The following LRRC53 variants were observed in gnomAD, a reference collection of about 807,000 sequenced individuals.
LRRC53 encodes the protein leucine-rich repeat-containing protein 53.
LRRC53 carries 25 observed loss-of-function variants against 13.6 expected under a neutral mutation model. That is an observed-to-expected ratio of 1.83 (90% CI 1.34 to 2.56). LRRC53 has a LOEUF of 2.56. Ranked by LOEUF, LRRC53 falls within the 30% of genes most tolerant of loss-of-function variation. The pLI is 0.00. For synonymous variants in LRRC53, 204 were observed against 109.8 expected (o/e 1.86, Z -5.37); for missense variants, 527 against 275.8 (o/e 1.91, Z -6.45).
At chr1:74,525,971 C>G in the LRRC53 span, among the ~76,000 whole-genome samples, 1 of 152,166 alleles carries the variant, frequency 6.6e-6, no homozygotes, top group Non-Finnish European at 1.5e-5. Flanking sequence ...GCAAAGAATA[C>G]ACAGAGGAGG....
chr1:74,480,610 ACTGT>A lies in LRRC53; in HGVS notation c.443_446del (p.Asp148ValfsTer45). 1 of 717,208 alleles carries A rather than the reference ACTGT, an allele frequency of 1.4e-6. No homozygotes were observed. Among genetic ancestry groups the A allele is most frequent in the Non-Finnish European group, 2.6e-6 (1 of 385,078 alleles). The allele number at this position is 717,208 out of a possible 1,614,324, so 44.4% of individuals were successfully genotyped here. Reference sequence around the variant, plus strand: ...TGTGGAGATTCGTGCCTCCGAAAGAACTGTCTGTGAGATTAGTAATCTGATTCCC... The same window carrying A: ...TGTGGAGATTCGTGCCTCCGAAAGAACTGTGAGATTAGTAATCTGATTCCC... On this transcript the variant is annotated frameshift_variant, in exon 3 of 5. Transcript: ENST00000294635. LOFTEE classifies it high-confidence loss of function.
At chr1:74,483,225 A>G (rs1350628640) in intron 2 of LRRC53, 37 bp downstream of exon 2, 2 of 715,528 alleles carry the variant, frequency 2.8e-6, no homozygotes, top group Non-Finnish European at 5.2e-6. Flanking sequence ...TTCCAGGTAC[A>G]CTGAGCACTG....
At chr1:74,492,188 G>A in intron 1 of LRRC53, 1 of 1,613,208 alleles carries the variant, frequency 6.2e-7, no homozygotes, top group Non-Finnish European at 8.5e-7. Flanking sequence ...CCTGGCCGGA[G>A]TCATGTGGCA....
intron 1 of LRRC53, among the ~76,000 whole-genome samples, chr1:74,507,201 TGA>T (rs747792413): frequency 1.1e-4 from 17 of 150,056 alleles, no homozygotes; most frequent in Non-Finnish European, 2.1e-4. Context: ...TCACACATGA[TGA>T]GCAGTTTTTA....
the LRRC53 span, among the ~76,000 whole-genome samples, chr1:74,534,812 C>G: frequency 2.9e-4 from 44 of 152,206 alleles, 1 homozygote; most frequent in Non-Finnish European, 2.9e-5. Flanking sequence ...AAATCCTTAA[C>G]GATGGGTTTA....
At chr1:74,498,209 A>T (rs1335204421) in intron 1 of LRRC53, among the ~76,000 whole-genome samples, 1 of 152,202 alleles carries the variant, frequency 6.6e-6, no homozygotes, top group Non-Finnish European at 1.5e-5. Flanking sequence ...TTATCCTACC[A>T]TCAACCTATC....
chr1:74,531,660 C>A, the LRRC53 span, among the ~76,000 whole-genome samples: 1 of 152,312 alleles, frequency 6.6e-6, no homozygotes, highest in Admixed American at 6.5e-5. Context: ...GGCATTTCAG[C>A]AAGCTGTTTC....
chr1:74,480,455 G>GTA lies in LRRC53; in HGVS notation c.600_601dup (p.Thr201IlefsTer4), dbSNP rs1415743723. Reference sequence around the variant, plus strand: ...CAGAAGGATTAACTGCTTCAGTGGAGTAAACACATCCGGCATGTGGGCTAA... The same window carrying GTA: ...CAGAAGGATTAACTGCTTCAGTGGAGTATAAACACATCCGGCATGTGGGCTAA... On this transcript the variant is annotated frameshift_variant, in exon 3 of 5. Transcript: ENST00000294635. LOFTEE classifies it high-confidence loss of function. 2 of 717,418 alleles carry GTA rather than the reference G, an allele frequency of 2.8e-6. No individual in the cohort carries two copies. The highest frequency in any genetic ancestry group is 3.5e-5 in the African/African-American group (2 of 57,268). 44.4% of individuals were successfully genotyped at this position (717,418 alleles called of 1,614,324 possible).
At chr1:74,489,273 T>C (rs781057284) in intron 1 of LRRC53, 5 of 1,601,020 alleles carry the variant, frequency 3.1e-6, no homozygotes, top group Admixed American at 3.5e-5. Context: ...TTCTGAAATA[T>C]GTCCATAAAA....
At chr1:74,536,663 T>C in the LRRC53 span, among the ~76,000 whole-genome samples, 1 of 152,112 alleles carries the variant, frequency 6.6e-6, no homozygotes, top group Non-Finnish European at 1.5e-5. Context: ...TCATTTTACA[T>C]CCACAAAATT....
chr1:74,523,062 G>A, the LRRC53 span, among the ~76,000 whole-genome samples: 1 of 152,152 alleles, frequency 6.6e-6, no homozygotes, highest in Non-Finnish European at 1.5e-5. Context: ...GAAAAGCAGT[G>A]AGCTTCAGTA....
At chr1:74,517,388 G>T (rs1646364749), upstream of LRRC53, among the ~76,000 whole-genome samples, 1 of 152,150 alleles carries the variant, frequency 6.6e-6, no homozygotes, top group African/African-American at 2.4e-5. Context: ...TCTGGCATTA[G>T]CTCCTCACTG....
At chr1:74,487,746 A>G (rs907001297) in intron 1 of LRRC53, among the ~76,000 whole-genome samples, 46 of 152,208 alleles carry the variant, frequency 3.0e-4, no homozygotes, top group African/African-American at 1.0e-3. Flanking sequence ...ACTTTAGGAC[A>G]TATTTGGAAC....
In LRRC53 at chr1:74,472,098, T is replaced by A. The variant is rs888513371; in HGVS notation, c.1524A>T (p.Pro508=). Residue 508 remains proline (P), a synonymous_variant, in exon 5 of 5, where the codon CCA becomes CCT. Coordinates refer to ENST00000294635, the MANE Select transcript of LRRC53 (RefSeq NM_001382280.1). The part of the protein sequence containing the change: ...KRLTNESWQP[P]IEKEDNGLHP... ...GTAAGCCATTGTCTTCTTTTTCTAT[T>A]GGAGGCTGCCATGATTCATTTGTTA... 1.4e-6 allele frequency: 1 copy of A among 717,270 alleles called. No individual in the cohort carries two copies. The allele number at this position is 717,270 out of a possible 1,614,324, so 44.4% of individuals were successfully genotyped here.
rs1037263846 is a variant in LRRC53 at position 74,470,735 on chromosome 1, G to C, written c.2887C>G (p.Gln963Glu). ...AATGTTTTTTCTTTATTTTCAAGCTGTGCATGACTTGAATTTTGCTCTCTG... is the reference window on the plus strand; with the variant it reads ...AATGTTTTTTCTTTATTTTCAAGCTCTGCATGACTTGAATTTTGCTCTCTG... The part of the protein sequence containing the change: ...QHREQNSSHA[Q>E]LENKEKTLMT... Residue 963 changes from glutamine to glutamate, a missense_variant, in exon 5 of 5, where the codon CAG becomes GAG. Transcript: ENST00000294635. The C allele has an allele frequency of 3.7e-5, 15 of 400,378 alleles. No homozygotes were observed. Among genetic ancestry groups the C allele is most frequent in the African/African-American group, 2.3e-4 (11 of 48,622 alleles). 24.8% of individuals were successfully genotyped at this position (400,378 alleles called of 1,614,324 possible).
the LRRC53 span, among the ~76,000 whole-genome samples, chr1:74,525,912 G>A: frequency 0.47 from 71,910 of 152,026 alleles, 18,057 homozygotes; most frequent in Non-Finnish European, 0.57. Context: ...TTCAATGAGA[G>A]CAAGGCACCC....
intron 1 of LRRC53, among the ~76,000 whole-genome samples, chr1:74,504,162 G>A (rs546595639): frequency 2.6e-4 from 39 of 152,320 alleles, no homozygotes; most frequent in Middle Eastern, 6.8e-3. Context: ...GATTGCTAGT[G>A]CCCTCTGCAT....
At chr1:74,512,791 T>C (rs1301565598), upstream of LRRC53, among the ~76,000 whole-genome samples, 2 of 152,170 alleles carry the variant, frequency 1.3e-5, no homozygotes, top group East Asian at 1.9e-4. Context: ...CCATTCTGTC[T>C]TCACTGTTGG....
At chr1:74,496,355 T>C (rs1031839561) in intron 1 of LRRC53, among the ~76,000 whole-genome samples, 1 of 152,180 alleles carries the variant, frequency 6.6e-6, no homozygotes, top group Non-Finnish European at 1.5e-5. Flanking sequence ...TAACTTCTGA[T>C]CTTTGGATTT....
Sources: gnomAD v4.1 joint callset for allele counts (sites outside exome capture counted in the v4.1 genomes callset) on GRCh38, gnomAD v4.1.1 for gene constraint, MANE v1.5 for transcripts, NCBI Gene and HGNC (gene_info 2026-07-23, HGNC 2026-07-21) for gene names.